INPP5A: variants seen among roughly 807,000 people sequenced by gnomAD.
INPP5A encodes 43 kDa inositol polyphosphate 5-phophatase.
INPP5A carries 14 observed loss-of-function variants against 65.2 expected under a neutral mutation model. That is an observed-to-expected ratio of 0.21 (90% CI 0.14 to 0.34). The LOEUF is 0.34. Ranked by LOEUF, INPP5A falls within the 10% of genes least tolerant of loss-of-function variation. The pLI is 1.00. For missense variants in INPP5A, 431 were observed against 545.6 expected, an observed-to-expected ratio of 0.79 and a Z score of 2.09; for synonymous variants, 207 against 208.3, an observed-to-expected ratio of 0.99 and a Z score of 0.05.
At chr10:132,690,523 A>G (rs1181976289) in intron 5 of INPP5A, 68 bp downstream of exon 5, 6 of 1,166,138 alleles carry the variant, frequency 5.1e-6, no homozygotes, top group Non-Finnish European at 7.7e-6. Flanking sequence ...TGGCTTCCCC[A>G]GACCTCTCCT....
chr10:132,768,277 A>T (rs1846888120), intron 12 of INPP5A, among the ~76,000 whole-genome samples: 1 of 140,484 alleles, frequency 7.1e-6, no homozygotes, highest in African/African-American at 2.7e-5. Flanking sequence ...TTCCAGAAAG[A>T]TCCGTGGACC....
chr10:132,694,263 A>G (rs182552090), intron 5 of INPP5A, among the ~76,000 whole-genome samples: 18 of 152,348 alleles, frequency 1.2e-4, no homozygotes, highest in Non-Finnish European at 2.2e-4. Context: ...ATTAAACAAC[A>G]CATATCTAAA....
At chr10:132,712,843 T>C (rs1266438163) in intron 8 of INPP5A, among the ~76,000 whole-genome samples, 1 of 150,714 alleles carries the variant, frequency 6.6e-6, no homozygotes, top group Non-Finnish European at 1.5e-5. Context: ...TGCATATGTG[T>C]AGGCTTGTGT....
rs1467961875 is a variant in INPP5A at position 132,587,996 on chromosome 10, G to A, written c.76-19919G>A. 1.1e-5 allele frequency among the ~76,000 whole-genome samples: 1 copy of A among 95,058 alleles called. No individual in the cohort carries two copies. The highest frequency in any genetic ancestry group is 4.2e-4 in the East Asian group (1 of 2,362). 62.4% of individuals were successfully genotyped at this position (95,058 alleles called of 152,430 possible). On this transcript the variant is annotated intron_variant, in intron 1 of 15. Transcript: ENST00000368594. The surrounding 1 kb of genome is among the most constrained non-coding windows in gnomAD (Gnocchi z 4.3). Reference sequence around the variant, plus strand: ...CATTGCCCTCCAGCCTGGGCAACAAGAGTAAAACTCCATCTCAAAAAAAAA... The same window carrying A: ...CATTGCCCTCCAGCCTGGGCAACAAAAGTAAAACTCCATCTCAAAAAAAAA...
chr10:132,751,277 G>A (rs956338102), intron 11 of INPP5A, among the ~76,000 whole-genome samples: 1 of 152,242 alleles, frequency 6.6e-6, no homozygotes, highest in African/African-American at 2.4e-5. Context: ...GGAGCCCATG[G>A]TCCTTTCCCC....
intron 1 of INPP5A, among the ~76,000 whole-genome samples, chr10:132,586,973 G>T (rs569735289): frequency 1.3e-5 from 2 of 152,094 alleles, no homozygotes; most frequent in South Asian, 2.1e-4. Flanking sequence ...ATCATCTGTC[G>T]GCTTCTGCAG....
rs561413725 is a variant in INPP5A, at chr10:132,565,607, G to C, written c.75+27436G>C. Among the ~76,000 whole-genome samples the C allele has an allele frequency of 2.2e-4, 34 of 152,174 alleles. 1 individual carries two copies. The South Asian group carries it at 6.6e-3, about 30-fold the overall frequency. ...TGTGCATTTGTGCATGTATGTCACT[G>C]TGTGTGCATGTGTGTATGTGTGTAT... On this transcript the variant is annotated intron_variant, in intron 1 of 15. Transcript: ENST00000368594.
At chr10:132,740,747 G>T (rs1846257644) in intron 9 of INPP5A, among the ~76,000 whole-genome samples, 1 of 152,162 alleles carries the variant, frequency 6.6e-6, no homozygotes, top group Non-Finnish European at 1.5e-5. Context: ...AAAAACTACA[G>T]GATAATAAAG....
intron 8 of INPP5A, among the ~76,000 whole-genome samples, chr10:132,716,001 G>A (rs1380661110): frequency 3.9e-5 from 6 of 152,370 alleles, no homozygotes; most frequent in South Asian, 2.1e-4. Flanking sequence ...TCTCCAGGGC[G>A]TGGTCGGTCC....
intron 9 of INPP5A, among the ~76,000 whole-genome samples, chr10:132,731,671 C>T (rs1439514076): frequency 6.6e-6 from 1 of 152,208 alleles, no homozygotes; most frequent in East Asian, 1.9e-4. Flanking sequence ...GGAGTGGGGG[C>T]TCTCCAGCCC....
chr10:132,696,386 G>A (rs938515906), intron 5 of INPP5A, among the ~76,000 whole-genome samples: 2 of 152,198 alleles, frequency 1.3e-5, no homozygotes, highest in African/African-American at 4.8e-5. Flanking sequence ...GAAGAGCAGA[G>A]TCAGAGCCTG....
Position 132,706,105 on chromosome 10 carries a change from C to G in INPP5A, c.475-2208C>G, listed in dbSNP as rs1050505348. On this transcript the variant is annotated intron_variant, in intron 6 of 15. Coordinates refer to ENST00000368594, the MANE Select transcript of INPP5A (RefSeq NM_005539.5). The surrounding 1 kb of genome is among the most constrained non-coding windows in gnomAD (Gnocchi z 4.7). Reference sequence around the variant, plus strand: ...ATTAAACATTCTGCATTAGAAATTACAGAACAGATTCTAGACTAGATGTGG... The same window carrying G: ...ATTAAACATTCTGCATTAGAAATTAGAGAACAGATTCTAGACTAGATGTGG... Among the ~76,000 whole-genome samples, 1 of 152,192 alleles carries G rather than the reference C, an allele frequency of 6.6e-6. No individual in the cohort carries two copies. The highest frequency in any genetic ancestry group is 6.5e-5 in the Admixed American group (1 of 15,286).
chr10:132,569,588 G>A (rs964138060), intron 1 of INPP5A, among the ~76,000 whole-genome samples: 3 of 151,630 alleles, frequency 2.0e-5, no homozygotes, highest in African/African-American at 7.3e-5. Context: ...GAACTCCTGA[G>A]TGCAAGCGAT....
intron 9 of INPP5A, among the ~76,000 whole-genome samples, chr10:132,737,435 G>A (rs1260415775): frequency 6.9e-6 from 1 of 145,214 alleles, no homozygotes; most frequent in Admixed American, 6.7e-5. Flanking sequence ...TAATGTTAGC[G>A]CAGCCCTGTC....
chr10:132,654,903 C>T (rs965116632), intron 4 of INPP5A, among the ~76,000 whole-genome samples: 1 of 152,204 alleles, frequency 6.6e-6, no homozygotes. Flanking sequence ...CAGGAGATGG[C>T]GCCCACGCAG....
intron 1 of INPP5A, among the ~76,000 whole-genome samples, chr10:132,561,276 C>T (rs1052130531): frequency 6.6e-6 from 1 of 151,918 alleles, no homozygotes; most frequent in Non-Finnish European, 1.5e-5. Context: ...GAAGCCATTT[C>T]CTAATCAAGG....
At chr10:132,748,157 C>A (rs1846405581) in intron 9 of INPP5A, among the ~76,000 whole-genome samples, 1 of 152,114 alleles carries the variant, frequency 6.6e-6, no homozygotes, top group African/African-American at 2.4e-5. Flanking sequence ...CTAGACTATC[C>A]CTCCAGCCCC....
At chr10:132,569,014 C>T (rs991575256) in intron 1 of INPP5A, among the ~76,000 whole-genome samples, 2 of 147,254 alleles carry the variant, frequency 1.4e-5, no homozygotes, top group Admixed American at 7.1e-5. Flanking sequence ...CTCTTGGATT[C>T]GAGCGATTCT....
At chr10:132,671,610 T>G (rs1349841299) in intron 4 of INPP5A, among the ~76,000 whole-genome samples, 1 of 152,218 alleles carries the variant, frequency 6.6e-6, no homozygotes, top group Non-Finnish European at 1.5e-5. Context: ...GGGGCCGTAT[T>G]CTGCGGCTCC....
Sources: allele counts gnomAD v4.1 joint callset (sites outside exome capture counted in the v4.1 genomes callset), GRCh38; gene constraint gnomAD v4.1.1; non-coding constraint Gnocchi (gnomAD v3.1); transcripts MANE v1.5; gene names NCBI Gene and HGNC (gene_info 2026-07-23, HGNC 2026-07-21).